The following GFOD1 variants were observed in gnomAD, a reference collection of about 807,000 sequenced individuals.
GFOD1 encodes Gfo/Idh/MocA-like oxidoreductase domain containing 1.
A neutral mutation model predicts 25.4 loss-of-function variants in GFOD1; 9 were observed. The ratio of observed to expected loss-of-function variants is 0.35; its 90% CI spans 0.21 to 0.62. GFOD1 has a LOEUF of 0.62. Among genes scored for constraint, GFOD1 ranks in the 20% least tolerant of loss-of-function variants. The pLI, the probability that GFOD1 is intolerant of heterozygous loss-of-function variation, is 0.72. For missense variants in GFOD1, 403 were observed against 556.9 expected, an observed-to-expected ratio of 0.72 and a Z score of 2.78; for synonymous variants, 253 against 245.6, an observed-to-expected ratio of 1.03 and a Z score of -0.28.
chr6:13,386,975 C>T (rs1164109306), intron 1 of GFOD1, among the ~76,000 whole-genome samples: 1 of 152,126 alleles, frequency 6.6e-6, no homozygotes, highest in Non-Finnish European at 1.5e-5. Context: ...CATTACCAGC[C>T]TCCATCTCAT....
At chr6:13,450,027 T>C (rs1275681948) in intron 1 of GFOD1, among the ~76,000 whole-genome samples, 1 of 152,150 alleles carries the variant, frequency 6.6e-6, no homozygotes, top group Non-Finnish European at 1.5e-5. Context: ...CTGCTGCTCT[T>C]TCCGAAGAAC....
rs766689068 is a variant in GFOD1 at position 13,365,030 on chromosome 6, T to C, written c.886A>G (p.Ser296Gly). The C allele has an allele frequency of 2.3e-5, 37 of 1,610,554 alleles. 2 individuals carry two copies. The South Asian group carries it at 3.1e-4, about 13-fold the overall frequency. Residue 296 changes from serine (S) to glycine (G), a missense_variant, in exon 2 of 2, where the codon AGC becomes GGC. Transcript: ENST00000379287. The surrounding 1 kb of genome is among the most constrained non-coding windows in gnomAD (Gnocchi z 9.2). ...CGCAGGTAGGGCGAGGGGATGTCGC[T>C]GAAGGCCTTCTCCGGAAGCAGGGAG... ...SNSLLPEKAF[S>G]DIPSPYLRGT...
intron 1 of GFOD1, among the ~76,000 whole-genome samples, chr6:13,396,267 T>C (rs538833875): frequency 8.5e-5 from 13 of 152,362 alleles, no homozygotes; most frequent in Middle Eastern, 3.4e-3. Context: ...CTCCCTCTTA[T>C]GGATCAGAAA....
intron 1 of GFOD1, among the ~76,000 whole-genome samples, chr6:13,389,367 T>C (rs1000853474): frequency 2.6e-5 from 4 of 152,202 alleles, no homozygotes; most frequent in Admixed American, 2.0e-4. Flanking sequence ...CCAACCCAAA[T>C]GTCCATCAAT....
rs1562189728 is a variant in GFOD1, at chr6:13,359,773, CTT to C, written c.*4968_*4969del. Reference sequence around the variant, plus strand: ...ACCAGCCTGACCAATATGGGGAAACCTTGTCTCTACTAAAAATACAAAAATTA... The same window carrying C: ...ACCAGCCTGACCAATATGGGGAAACCGTCTCTACTAAAAATACAAAAATTA... On this transcript the variant is annotated 3_prime_UTR_variant, in exon 2 of 2. Coordinates refer to ENST00000379287, the MANE Select transcript of GFOD1 (RefSeq NM_018988.4). The C allele has an allele frequency of 6.6e-6, 1 of 152,086 alleles. No individual in the cohort carries two copies. Among genetic ancestry groups the C allele is most frequent in the African/African-American group, 2.4e-5 (1 of 41,392 alleles). 9.4% of individuals were successfully genotyped at this position (152,086 alleles called of 1,614,324 possible).
intron 1 of GFOD1, among the ~76,000 whole-genome samples, chr6:13,380,216 G>C (rs573099894): frequency 6.6e-6 from 1 of 152,336 alleles, no homozygotes; most frequent in East Asian, 1.9e-4. Flanking sequence ...ATCTGGCTTT[G>C]CCACTCATTC....
chr6:13,366,163 G>T (rs1478354342), intron 1 of GFOD1, among the ~76,000 whole-genome samples: 1 of 151,990 alleles, frequency 6.6e-6, no homozygotes, highest in Non-Finnish European at 1.5e-5. Flanking sequence ...TATTTATGTT[G>T]CATTACTTAA....
chr6:13,413,715 G>A (rs1394813395), intron 1 of GFOD1, among the ~76,000 whole-genome samples: 1 of 152,194 alleles, frequency 6.6e-6, no homozygotes, highest in African/African-American at 2.4e-5. Context: ...CCATGGGACA[G>A]CCTGTGCTGC....
In GFOD1 at chr6:13,437,894, C is replaced by T. The variant is rs1344127752; in HGVS notation, c.253+48744G>A. Among the ~76,000 whole-genome samples, 5 of 151,908 alleles carry T rather than the reference C, an allele frequency of 3.3e-5. No homozygotes were observed. In the East Asian group the frequency reaches 9.7e-4, roughly 29 times the overall value. Reference sequence around the variant, plus strand: ...CTATTTCAGCTATGCTGTGCTGGGCCCTGGGGTTACAGAGAAATAAAATGC... The same window carrying T: ...CTATTTCAGCTATGCTGTGCTGGGCTCTGGGGTTACAGAGAAATAAAATGC... On this transcript the variant is annotated intron_variant, in intron 1 of 1. Transcript: ENST00000379287.
intron 1 of GFOD1, among the ~76,000 whole-genome samples, chr6:13,485,534 T>G (rs979098591): frequency 6.6e-6 from 1 of 152,052 alleles, no homozygotes; most frequent in Non-Finnish European, 1.5e-5. Flanking sequence ...CTCATTTTCT[T>G]GGAATTGTAA....
At chr6:13,470,288 G>T in intron 1 of GFOD1, 3 of 1,587,612 alleles carry the variant, frequency 1.9e-6, no homozygotes, top group East Asian at 2.2e-5. Flanking sequence ...CATGCCAGCA[G>T]GCTGTGGCTG....
intron 1 of GFOD1, among the ~76,000 whole-genome samples, chr6:13,417,891 A>G (rs567500883): frequency 6.6e-6 from 1 of 152,288 alleles, no homozygotes; most frequent in South Asian, 2.1e-4. Context: ...ACCCCTCACC[A>G]TGGAGAGCAC....
At chr6:13,374,728 C>CTTTTTTTT (rs147560408) in intron 1 of GFOD1, among the ~76,000 whole-genome samples, 2 of 66,804 alleles carry the variant, frequency 3.0e-5, no homozygotes, top group Admixed American at 2.3e-4. Flanking sequence ...CATCTCAAAT[C>CTTTTTTTT]TTTTTTTTTT....
Position 13,361,351 on chromosome 6 carries a change from C to T in GFOD1, c.*3392G>A, listed in dbSNP as rs1433248937. 6.3e-6 allele frequency: 1 copy of T among 159,798 alleles called. No individual in the cohort carries two copies. Among genetic ancestry groups the T allele is most frequent in the Non-Finnish European group, 1.4e-5 (1 of 72,272 alleles). The allele number at this position is 159,798 out of a possible 1,614,324, so 9.9% of individuals were successfully genotyped here. On this transcript the variant is annotated 3_prime_UTR_variant, in exon 2 of 2. Coordinates refer to ENST00000379287, the MANE Select transcript of GFOD1 (RefSeq NM_018988.4). The stretch of plus-strand genomic sequence containing the variant: ...CACACCCTCCCTCATAACTTGGAAT[C>T]TAGGCCATTCGCACATTGATGGGAA...
chr6:13,463,903 T>C (rs1389684849), intron 1 of GFOD1, among the ~76,000 whole-genome samples: 1 of 152,188 alleles, frequency 6.6e-6, no homozygotes, highest in Non-Finnish European at 1.5e-5. Flanking sequence ...GGGTCTTTTC[T>C]AGTTCCATCT....
chr6:13,426,298 T>C lies in GFOD1; in HGVS notation c.253+60340A>G, dbSNP rs1434118074. 4.6e-5 allele frequency among the ~76,000 whole-genome samples: 7 copies of C among 152,140 alleles called. 1 individual carries two copies. Among genetic ancestry groups the C allele is most frequent in the Admixed American group, 4.6e-4 (7 of 15,280 alleles). ...AGGCCCAGACTGCCTGGTCCTATAA[T>C]ACAGAAGATATGAGAGCCAGGAAGC... On this transcript the variant is annotated intron_variant, in intron 1 of 1. Transcript: ENST00000379287.
chr6:13,397,163 T>C (rs190839847), intron 1 of GFOD1, among the ~76,000 whole-genome samples: 3 of 152,264 alleles, frequency 2.0e-5, no homozygotes, highest in African/African-American at 7.2e-5. Context: ...GGTCTCGAAC[T>C]CCTGGACTCA....
intron 1 of GFOD1, among the ~76,000 whole-genome samples, chr6:13,416,778 G>A (rs1011359287): frequency 6.6e-6 from 1 of 152,224 alleles, no homozygotes; most frequent in African/African-American, 2.4e-5. Flanking sequence ...AGCACTCACT[G>A]TGTGCTAGGC....
At chr6:13,441,804 T>C (rs1384478027) in intron 1 of GFOD1, among the ~76,000 whole-genome samples, 2 of 152,210 alleles carry the variant, frequency 1.3e-5, no homozygotes, top group South Asian at 2.1e-4. Context: ...ATGTGATAGA[T>C]AGATAGATAC....
Sources: gnomAD v4.1 joint callset for allele counts (sites outside exome capture counted in the v4.1 genomes callset) on GRCh38, gnomAD v4.1.1 for gene constraint, Gnocchi (gnomAD v3.1) non-coding constraint, MANE v1.5 for transcripts, NCBI Gene and HGNC (gene_info 2026-07-23, HGNC 2026-07-21) for gene names.